TAB2: variants seen among roughly 807,000 people sequenced by gnomAD.
The protein encoded by TAB2 is TGF-beta activated kinase 1 (MAP3K7) binding protein 2.
In TAB2, 3 loss-of-function variants were observed where a neutral mutation model predicts 65.0. That is an observed-to-expected ratio of 0.05 (90% CI 0.02 to 0.12). The LOEUF is 0.12. TAB2 is among the 10% of genes least tolerant of loss of function. The probability of loss-of-function intolerance (pLI) is 1.00; values close to 1 mark genes in which losing one functional copy is unlikely to be tolerated. For synonymous variants in TAB2, 298 were observed against 285.1 expected, an observed-to-expected ratio of 1.05 and a Z score of -0.46; for missense variants, 623 against 840.3, an observed-to-expected ratio of 0.74 and a Z score of 3.20.
chr6:149,295,448 A>C (rs1204775243), intron 1 of TAB2, among the ~76,000 whole-genome samples: 2 of 152,180 alleles, frequency 1.3e-5, no homozygotes, highest in Non-Finnish European at 2.9e-5. Context: ...CTCAGCCATT[A>C]TCTCTTCAAA....
chr6:149,268,369 A>T (rs981681833), intron 1 of TAB2, among the ~76,000 whole-genome samples: 12 of 152,322 alleles, frequency 7.9e-5, no homozygotes, highest in African/African-American at 2.9e-4. Context: ...GAAAAATAAC[A>T]TTCTGAGTGG....
At chr6:149,234,809 T>C (rs553792342) in intron 1 of TAB2, among the ~76,000 whole-genome samples, 3 of 146,510 alleles carry the variant, frequency 2.0e-5, no homozygotes, top group South Asian at 2.1e-4. Flanking sequence ...ATCAAAGGCA[T>C]GTGTGCCAGA....
At chr6:149,279,925 T>C (rs1029914646) in intron 1 of TAB2, among the ~76,000 whole-genome samples, 1 of 152,230 alleles carries the variant, frequency 6.6e-6, no homozygotes, top group African/African-American at 2.4e-5. Flanking sequence ...GCCAGAGATC[T>C]GGAAATCAGT....
intron 1 of TAB2, among the ~76,000 whole-genome samples, chr6:149,253,367 T>A (rs1252991177): frequency 1.3e-5 from 2 of 152,202 alleles, no homozygotes; most frequent in East Asian, 3.8e-4. Flanking sequence ...ACGCCTGTAA[T>A]CCCAGCACTT....
chr6:149,346,448 C>CTTTTT (rs11399281), intron 1 of TAB2: 5 of 113,396 alleles, frequency 4.4e-5, no homozygotes, highest in African/African-American at 3.5e-5. Flanking sequence ...GTTGGTGAAA[C>CTTTTT]TTTTTTTTTT....
intron 1 of TAB2, among the ~76,000 whole-genome samples, chr6:149,304,919 A>G (rs1186412793): frequency 6.6e-6 from 1 of 151,210 alleles, no homozygotes; most frequent in African/African-American, 2.5e-5. Flanking sequence ...TACTTTAATC[A>G]TCTCTAGATT....
rs1781160018 is a variant in TAB2, at chr6:149,369,809, A to G, written c.-89-100A>G. ...AATATTTTTATAGTTTATAATGTTA[A>G]GTGCTAAAGCACATATTCTTTTGTA... On this transcript the variant is annotated intron_variant, in intron 1 of 6. Transcript: ENST00000637181. 3 of 613,796 alleles carry G rather than the reference A, an allele frequency of 4.9e-6. No homozygotes were observed. The South Asian group carries it at 6.0e-5, about 12-fold the overall frequency. 38.0% of individuals were successfully genotyped at this position (613,796 alleles called of 1,614,324 possible).
intron 1 of TAB2, chr6:149,247,128 A>G (rs1291035179): frequency 1.3e-5 from 2 of 148,578 alleles, no homozygotes; most frequent in African/African-American, 5.0e-5. Flanking sequence ...AAGGCTATCC[A>G]CTCCCAACCT....
chr6:149,232,176 C>T lies in TAB2; in HGVS notation c.-121+13400C>T, dbSNP rs998641201. Among the ~76,000 whole-genome samples, 13 of 152,008 alleles carry T rather than the reference C, an allele frequency of 8.6e-5. No individual in the cohort carries two copies. The South Asian group carries it at 1.5e-3, about 17-fold the overall frequency. On this transcript the variant is annotated intron_variant, in intron 1 of 1. Coordinates refer to the TAB2 transcript ENST00000606202. The stretch of plus-strand genomic sequence containing the variant: ...CAGAAATAAGGAAGAGGGAAGAGCA[C>T]GAGGCCAGGCCTCGGGGACCACCAG...
chr6:149,326,150 G>T (rs1002416284), intron 1 of TAB2, among the ~76,000 whole-genome samples: 1 of 151,610 alleles, frequency 6.6e-6, no homozygotes, highest in Non-Finnish European at 1.5e-5. Context: ...TAAAATATTG[G>T]TTATACAAAT....
At chr6:149,310,246 AG>A (rs1779145811) in intron 1 of TAB2, among the ~76,000 whole-genome samples, 1 of 152,116 alleles carries the variant, frequency 6.6e-6, no homozygotes, top group Non-Finnish European at 1.5e-5. Flanking sequence ...CTAAGGTGGG[AG>A]GATCGCTTGA....
intron 1 of TAB2, among the ~76,000 whole-genome samples, chr6:149,231,934 T>G (rs1286101704): frequency 6.6e-6 from 1 of 151,966 alleles, no homozygotes; most frequent in African/African-American, 2.4e-5. Flanking sequence ...GGACCAGGGC[T>G]CCCTACCCAG....
At chr6:149,284,210 A>C (rs1371670245) in intron 1 of TAB2, among the ~76,000 whole-genome samples, 1 of 152,156 alleles carries the variant, frequency 6.6e-6, no homozygotes, top group Non-Finnish European at 1.5e-5. Flanking sequence ...TTTGTGCTGC[A>C]GCAACACCAA....
At chr6:149,407,560 G>A (rs557928110) in intron 6 of TAB2, among the ~76,000 whole-genome samples, 60 of 152,186 alleles carry the variant, frequency 3.9e-4, no homozygotes, top group African/African-American at 1.1e-3. Flanking sequence ...TTTGTATGCT[G>A]GCTGTTTTGG....
chr6:149,329,311 TAAG>T lies in TAB2; in HGVS notation c.-90+11302_-90+11304del, dbSNP rs1403208372. Among the ~76,000 whole-genome samples, 4 of 142,900 alleles carry T rather than the reference TAAG, an allele frequency of 2.8e-5. No homozygotes were observed. The Middle Eastern group carries it at 0.014, about 510-fold the overall frequency. The allele number at this position is 142,900 out of a possible 152,430, so 93.7% of individuals were successfully genotyped here. On this transcript the variant is annotated intron_variant, in intron 1 of 6. Transcript: ENST00000637181. ...ATTAAGGCACTGATAATGGGGTAAT[TAAG>T]AAGAATAGGTAATGTGTTTGAGAAG...
intron 1 of TAB2, among the ~76,000 whole-genome samples, chr6:149,275,136 T>TA (rs1778433693): frequency 8.0e-6 from 1 of 125,246 alleles, no homozygotes; most frequent in African/African-American, 3.6e-5. Context: ...TTTTTTTTTT[T>TA]TTTTTTTGAG....
chr6:149,333,730 T>TGA, intron 1 of TAB2, among the ~76,000 whole-genome samples: 1 of 151,892 alleles, frequency 6.6e-6, no homozygotes, highest in South Asian at 2.1e-4. Flanking sequence ...TGTGTGTGTG[T>TGA]GTGTGTGTGT....
chr6:149,361,763 C>T (rs1332212936), intron 1 of TAB2, among the ~76,000 whole-genome samples: 1 of 152,164 alleles, frequency 6.6e-6, no homozygotes, highest in Non-Finnish European at 1.5e-5. Context: ...AACATTAAGT[C>T]ATTTCTTTGC....
intron 1 of TAB2, among the ~76,000 whole-genome samples, chr6:149,322,194 C>T (rs766156491): frequency 2.6e-5 from 4 of 152,054 alleles, no homozygotes; most frequent in Non-Finnish European, 4.4e-5. Context: ...TAGCTGTTTT[C>T]ATATAGTTTA....
Sources: gnomAD v4.1 joint callset for allele counts (sites outside exome capture counted in the v4.1 genomes callset) on GRCh38, gnomAD v4.1.1 for gene constraint, MANE v1.5 for transcripts, NCBI Gene and HGNC (gene_info 2026-07-23, HGNC 2026-07-21) for gene names.